CD276: variants seen among roughly 807,000 people sequenced by gnomAD.
CD276 encodes the protein CD276 antigen.
Under a neutral mutation model 50.0 loss-of-function variants are expected in CD276, and 34 were observed. The observed-to-expected ratio is 0.68, with a 90% CI of 0.52 to 0.91. The LOEUF is 0.91. CD276 is among the 40% of genes least tolerant of loss of function. CD276 has a pLI of 0.00. For synonymous variants in CD276, 275 were observed against 313.0 expected, an observed-to-expected ratio of 0.88 and a Z score of 1.28; for missense variants, 634 against 717.5, an observed-to-expected ratio of 0.88 and a Z score of 1.33.
At chr15:73,690,678 CT>C (rs1372724368) in intron 1 of CD276, 1 of 455,838 alleles carries the variant, frequency 2.2e-6, no homozygotes, top group African/African-American at 2.0e-5. Flanking sequence ...CAGGCCCCAC[CT>C]CTTAATACTG....
At chr15:73,686,734 A>T (rs1204714533) in intron 1 of CD276, among the ~76,000 whole-genome samples, 1 of 152,196 alleles carries the variant, frequency 6.6e-6, no homozygotes, top group Non-Finnish European at 1.5e-5. Flanking sequence ...GACTCCTAGA[A>T]AATGTTGTAG....
chr15:73,713,033 T>G lies in CD276; in HGVS notation c.*77T>G. 1 of 1,365,774 alleles carries G rather than the reference T, an allele frequency of 7.3e-7. No individual in the cohort carries two copies. The highest frequency in any genetic ancestry group is 1.0e-6 in the Non-Finnish European group (1 of 968,622). 84.6% of individuals were successfully genotyped at this position (1,365,774 alleles called of 1,614,324 possible). ...TGCAATGGGGCTGCACTGTGAGCCC[T>G]GCCCCCAACAGATGCATCCTGCTCT... On this transcript the variant is annotated 3_prime_UTR_variant, in exon 10 of 10. Transcript: ENST00000318443.
intron 1 of CD276, among the ~76,000 whole-genome samples, chr15:73,685,453 TTGTGTGTGTGTGTG>T (rs55859831): frequency 0.07 from 9,281 of 131,868 alleles, 357 homozygotes; most frequent in South Asian, 0.13. Context: ...CAAAAAAGAT[TTGTGTGTGTGTGTG>T]TGTGTGTGTG....
chr15:73,706,796 G>A (rs545802390), intron 6 of CD276, among the ~76,000 whole-genome samples: 16 of 152,346 alleles, frequency 1.1e-4, no homozygotes, highest in Admixed American at 3.3e-4. Context: ...CCCTAGAGAC[G>A]TGGCCTGAGC....
intron 1 of CD276, chr15:73,686,239 C>T (rs1899754517): frequency 1.0e-6 from 1 of 965,702 alleles, no homozygotes; most frequent in Admixed American, 6.2e-5. Flanking sequence ...GTGGTTTCTC[C>T]TGCCTGCAGT....
At chr15:73,701,198 C>T (rs1185847829) in intron 2 of CD276, among the ~76,000 whole-genome samples, 2 of 151,824 alleles carry the variant, frequency 1.3e-5, no homozygotes, top group Non-Finnish European at 2.9e-5. Context: ...TCAGCAAGTC[C>T]TGTTGATTCC....
chr15:73,702,316 C>A lies in CD276; in HGVS notation c.141C>A (p.Thr47=), dbSNP rs775020007. The part of the protein sequence containing the change: ...PVVALVGTDA[T]LCCSFSPEPG... The stretch of plus-strand genomic sequence containing the variant: ...TGGCACTGGTGGGCACCGATGCCAC[C>A]CTGTGCTGCTCCTTCTCCCCTGAGC... The change falls in exon 3 of 10, where the codon ACC becomes ACA. Residue 47 remains threonine (T), a synonymous_variant. Transcript: ENST00000318443. The A allele has an allele frequency of 6.2e-7, 1 of 1,613,378 alleles. No individual in the cohort carries two copies. Among genetic ancestry groups the A allele is most frequent in the Non-Finnish European group, 8.5e-7 (1 of 1,179,972 alleles).
In CD276 at chr15:73,704,294, G is replaced by A; in HGVS notation, c.1191G>A (p.Gln397=). The change falls in exon 6 of 10, where the codon CAG becomes CAA. Residue 397 remains glutamine (Q), a synonymous_variant. Coordinates refer to ENST00000318443, the MANE Select transcript of CD276 (RefSeq NM_001024736.2). This position sits in a 1 kb window ranked among gnomAD's most constrained non-coding sequence, Gnocchi z 4.1. ...RGYPEAEVFW[Q]DGQGVPLTGN... ...ACCCTGAGGCTGAGGTGTTCTGGCA[G>A]GATGGGCAGGGTGTGCCCCTGACTG... is the stretch of plus-strand genomic sequence containing the variant. The A allele has an allele frequency of 1.2e-6, 2 of 1,613,984 alleles. No homozygotes were observed. Among genetic ancestry groups the A allele is most frequent in the Non-Finnish European group, 1.7e-6 (2 of 1,180,022 alleles).
At position 73,714,351 on chromosome 15, in the gene CD276, G is replaced by A. The variant is rs926502873; in HGVS notation, c.*1395G>A. ...CCTGGCTTGCCTCTGGCCAGCTCCTGGCCTCTGGTAGAGTGAGACTTCAGA... is the reference window on the plus strand; with the variant it reads ...CCTGGCTTGCCTCTGGCCAGCTCCTAGCCTCTGGTAGAGTGAGACTTCAGA... On this transcript the variant is annotated 3_prime_UTR_variant, in exon 10 of 10. Transcript: ENST00000318443. 1.3e-5 allele frequency: 2 copies of A among 154,856 alleles called. No homozygotes were observed. Among genetic ancestry groups the A allele is most frequent in the African/African-American group, 4.8e-5 (2 of 41,462 alleles). The allele number at this position is 154,856 out of a possible 1,614,324, so 9.6% of individuals were successfully genotyped here.
chr15:73,706,875 CAT>C (rs1567022225), intron 6 of CD276, among the ~76,000 whole-genome samples: 1 of 152,210 alleles, frequency 6.6e-6, no homozygotes, highest in East Asian at 1.9e-4. Flanking sequence ...TAAGGGGGAA[CAT>C]AGAGACCCTC....
At chr15:73,709,716 C>T (rs765097230) in intron 8 of CD276, 27 bp downstream of exon 8, 97 of 1,606,202 alleles carry the variant, frequency 6.0e-5, no homozygotes, top group Non-Finnish European at 8.1e-5. Context: ...AGCTGGCCCT[C>T]TTGGCTGGGA....
rs151198493 is a variant in CD276, at chr15:73,706,060, A to T, written c.1369+1588A>T. On this transcript the variant is annotated intron_variant, in intron 6 of 9. Coordinates refer to ENST00000318443, the MANE Select transcript of CD276 (RefSeq NM_001024736.2). ...AGGTCAGGAGTTCGAGACCAGCCTG[A>T]TCAGCATGGTGAAACCCTGTCTCTA... Among the ~76,000 whole-genome samples, 769 of 152,224 alleles carry T rather than the reference A, an allele frequency of 5.1e-3. 7 individuals are homozygous for T. The highest frequency in any genetic ancestry group is 0.018 in the African/African-American group (744 of 41,530).
Position 73,704,222 on chromosome 15 carries a change from G to A in CD276, c.1119G>A (p.Leu373=). 2 of 1,614,090 alleles carry A rather than the reference G, an allele frequency of 1.2e-6. No individual in the cohort carries two copies. Among genetic ancestry groups the A allele is most frequent in the Non-Finnish European group, 1.7e-6 (2 of 1,180,008 alleles). ...TGACCCTGGAGCCCAACAAGGACCT[G>A]CGGCCAGGGGACACGGTGACCATCA... ...PSMTLEPNKD[L]RPGDTVTITC... Residue 373 remains leucine, a synonymous_variant, in exon 6 of 10, where the codon CTG becomes CTA. Coordinates refer to ENST00000318443, the MANE Select transcript of CD276 (RefSeq NM_001024736.2). The surrounding 1 kb of genome is among the most constrained non-coding windows in gnomAD (Gnocchi z 4.1).
At chr15:73,690,251 A>G (rs1312514411) in intron 1 of CD276, among the ~76,000 whole-genome samples, 1 of 152,268 alleles carries the variant, frequency 6.6e-6, no homozygotes, top group Non-Finnish European at 1.5e-5. Context: ...CAATAGTTAA[A>G]TAAAGCAGAT....
At chr15:73,700,354 A>G (rs1900329649) in intron 2 of CD276, among the ~76,000 whole-genome samples, 1 of 152,176 alleles carries the variant, frequency 6.6e-6, no homozygotes, top group Admixed American at 6.5e-5. Flanking sequence ...CAATATCCTC[A>G]TCACATTTCA....
Position 73,702,437 on chromosome 15 carries a change from G to T in CD276, c.262G>T (p.Ala88Ser). 1.2e-6 allele frequency: 2 copies of T among 1,613,800 alleles called. No homozygotes were observed. The highest frequency in any genetic ancestry group is 3.3e-5 in the Admixed American group (2 of 60,036). Residue 88 changes from alanine (A) to serine (S), a missense_variant, in exon 3 of 10, where the codon GCC (alanine) becomes TCC (serine). Coordinates refer to ENST00000318443, the MANE Select transcript of CD276 (RefSeq NM_001024736.2). ...SFAEGQDQGSAYANRTALFPD... is the reference protein window; with the variant it reads ...SFAEGQDQGSSYANRTALFPD... ...TGCTGAGGGCCAGGACCAGGGCAGC[G>T]CCTATGCCAACCGCACGGCCCTCTT... is the stretch of plus-strand genomic sequence containing the variant.
intron 8 of CD276, among the ~76,000 whole-genome samples, chr15:73,710,907 A>T (rs1210956986): frequency 6.6e-6 from 1 of 152,176 alleles, no homozygotes; most frequent in Non-Finnish European, 1.5e-5. Flanking sequence ...CTATAGATGC[A>T]GAAAACTAAG....
intron 1 of CD276, among the ~76,000 whole-genome samples, chr15:73,698,765 T>C (rs978550767): frequency 6.6e-6 from 1 of 152,168 alleles, no homozygotes; most frequent in Non-Finnish European, 1.5e-5. Context: ...TTTCACCATG[T>C]TGTTCAAACC....
chr15:73,709,402 C>T (rs369874404), intron 7 of CD276, among the ~76,000 whole-genome samples: 1 of 150,772 alleles, frequency 6.6e-6, no homozygotes, highest in South Asian at 2.1e-4. Context: ...GTGGTGGGGG[C>T]GCCAGGCTGG....
Sources: allele counts gnomAD v4.1 joint callset (sites outside exome capture counted in the v4.1 genomes callset), GRCh38; gene constraint gnomAD v4.1.1; non-coding constraint Gnocchi (gnomAD v3.1); transcripts MANE v1.5; gene names NCBI Gene and HGNC (gene_info 2026-07-23, HGNC 2026-07-21).